The following BPTF variants were observed in gnomAD, a reference collection of about 807,000 sequenced individuals.
BPTF encodes the protein nucleosome-remodeling factor subunit BPTF.
In BPTF, 18 loss-of-function variants were observed where a neutral mutation model predicts 292.5. The observed-to-expected ratio is 0.06, with a 90% confidence interval of 0.04 to 0.09. The LOEUF is 0.09. Among genes scored for constraint, BPTF ranks in the 10% least tolerant of loss-of-function variants. The probability of loss-of-function intolerance (pLI) is 1.00; values close to 1 mark genes in which losing one functional copy is unlikely to be tolerated. For missense variants in BPTF, 2,726 were observed against 3,498.7 expected (o/e 0.78, Z 5.57); for synonymous variants, 1,225 against 1,251.9 (o/e 0.98, Z 0.45).
intron 9 of BPTF, among the ~76,000 whole-genome samples, chr17:67,906,765 A>C (rs562105450): frequency 1.4e-4 from 22 of 152,332 alleles, no homozygotes; most frequent in African/African-American, 5.3e-4. Flanking sequence ...TCGCGACAGA[A>C]TTATGATTTC....
At chr17:67,848,441 C>T (rs537955229) in intron 1 of BPTF, among the ~76,000 whole-genome samples, 4 of 152,166 alleles carry the variant, frequency 2.6e-5, no homozygotes, top group East Asian at 1.9e-4. Context: ...CATGGAGGAC[C>T]GTACAAAGTG....
Position 67,931,952 on chromosome 17 carries a change from T to A in BPTF, c.6192T>A (p.Ile2064=), listed in dbSNP as rs767101396. The A allele has an allele frequency of 1.9e-6, 3 of 1,614,122 alleles. No homozygotes were observed. The highest frequency in any genetic ancestry group is 2.5e-6 in the Non-Finnish European group (3 of 1,180,004). ...GPQIRPGMTV[I]RTPLQQSTLG... The stretch of plus-strand genomic sequence containing the variant: ...AGATTCGCCCTGGTATGACCGTGAT[T>A]AGAACACCACTCCAACAGTCAACAC... The change falls in exon 18 of 28, where the codon ATT becomes ATA. Residue 2064 remains isoleucine, a synonymous_variant. Coordinates refer to ENST00000306378, the MANE Select transcript of BPTF (RefSeq NM_182641.4).
chr17:67,932,153 C>T (rs1286334175), intron 18 of BPTF, 134 bp downstream of exon 18: 2 of 715,336 alleles, frequency 2.8e-6, no homozygotes, highest in Admixed American at 3.1e-5. Flanking sequence ...ATTTCTAATC[C>T]ATTGTGAGCT....
Position 67,854,133 on chromosome 17 carries a change from C to G in BPTF, c.807C>G (p.Asp269Glu). 3 of 1,614,176 alleles carry G rather than the reference C, an allele frequency of 1.9e-6. No homozygotes were observed. The highest frequency in any genetic ancestry group is 1.3e-5 in the African/African-American group (1 of 75,028). Reference protein sequence around the residue: ...VLRLSPFRFEDFCAALVSQEQ... With the variant: ...VLRLSPFRFEEFCAALVSQEQ... Reference sequence around the variant, plus strand: ...GATTATCTCCTTTTCGCTTTGAGGACTTTTGTGCAGCTCTGGTGAGCCAAG... The same window carrying G: ...GATTATCTCCTTTTCGCTTTGAGGAGTTTTGTGCAGCTCTGGTGAGCCAAG... Residue 269 changes from aspartate to glutamate, a missense_variant, in exon 2 of 28, where the codon GAC (aspartate) becomes GAG (glutamate). This residue lies in a region of BPTF where 102 missense variants were observed against 212.6 expected (regional missense o/e 0.48). Transcript: ENST00000306378. This position sits in a 1 kb window ranked among gnomAD's most constrained non-coding sequence, Gnocchi z 5.6.
chr17:67,854,835 G>T lies in BPTF; in HGVS notation c.1436+73G>T. 9.4e-7 allele frequency: 1 copy of T among 1,058,870 alleles called. No homozygotes were observed. The allele number at this position is 1,058,870 out of a possible 1,614,324, so 65.6% of individuals were successfully genotyped here. ...AGTTTCCTTCGTGATTGATGTAGCAGAGCTATGCTGTTGATGTGGTATAAA... is the reference window on the plus strand; with the variant it reads ...AGTTTCCTTCGTGATTGATGTAGCATAGCTATGCTGTTGATGTGGTATAAA... On this transcript the variant is annotated intron_variant, in intron 2 of 27. Coordinates refer to ENST00000306378, the MANE Select transcript of BPTF (RefSeq NM_182641.4). The surrounding 1 kb of genome is among the most constrained non-coding windows in gnomAD (Gnocchi z 5.6).
chr17:67,888,539 G>C (rs550910143), intron 4 of BPTF, among the ~76,000 whole-genome samples: 1 of 140,008 alleles, frequency 7.1e-6, no homozygotes, highest in Non-Finnish European at 1.5e-5. Context: ...GCAGTGAGCC[G>C]AGATCGTGCC....
chr17:67,953,598 A>G (rs1232243907), intron 23 of BPTF, among the ~76,000 whole-genome samples: 2 of 142,248 alleles, frequency 1.4e-5, no homozygotes, highest in South Asian at 2.2e-4. Context: ...TTTTGGAGAA[A>G]GAGTTTTGCT....
Position 67,928,551 on chromosome 17 carries a change from A to G in BPTF, c.5948A>G (p.Asn1983Ser). 1 of 1,614,178 alleles carries G rather than the reference A, an allele frequency of 6.2e-7. No individual in the cohort carries two copies. The highest frequency in any genetic ancestry group is 2.2e-5 in the East Asian group (1 of 44,884). ...ACAGTAACATTCCAACAAAACAAGA[A>G]CTTTCATCAAACCTTTGCTACATGG... is the stretch of plus-strand genomic sequence containing the variant. ...PATVTFQQNK[N>S]FHQTFATWVK... The change falls in exon 16 of 28, where the codon AAC becomes AGC. Residue 1983 changes from asparagine (N) to serine (S), a missense_variant. By Grantham distance (46) the Asn-to-Ser change is conservative (BLOSUM62 1). Transcript: ENST00000306378.
At chr17:67,856,611 G>A (rs988906991) in intron 2 of BPTF, among the ~76,000 whole-genome samples, 18 of 151,936 alleles carry the variant, frequency 1.2e-4, no homozygotes, top group Non-Finnish European at 1.9e-4. Context: ...CTTTTTTATT[G>A]GGGGAAATCC....
chr17:67,956,412 G>A (rs1237653443), intron 23 of BPTF: 1 of 151,342 alleles, frequency 6.6e-6, no homozygotes, highest in Non-Finnish European at 1.5e-5. Flanking sequence ...TGACCTCCCA[G>A]GCTTAAGGGA....
At chr17:67,883,019 A>AG (rs2060521482) in intron 4 of BPTF, among the ~76,000 whole-genome samples, 1 of 144,524 alleles carries the variant, frequency 6.9e-6, no homozygotes, top group Admixed American at 6.8e-5. Context: ...AAAAAAAAAA[A>AG]AGAAAAGAAA....
intron 17 of BPTF, among the ~76,000 whole-genome samples, 183 bp downstream of exon 17, chr17:67,929,670 T>C (rs1326129851): frequency 2.0e-5 from 3 of 152,250 alleles, no homozygotes; most frequent in Non-Finnish European, 2.9e-5. Context: ...CATGAAGTAT[T>C]AATGTCTAAC....
At chr17:67,897,417 T>C (rs2146440741) in intron 7 of BPTF, among the ~76,000 whole-genome samples, 1 of 150,902 alleles carries the variant, frequency 6.6e-6, no homozygotes, top group Middle Eastern at 3.5e-3. Flanking sequence ...TCTCTTTTAT[T>C]AGAACTTGGA....
At chr17:67,876,795 G>T (rs555290711) in intron 4 of BPTF, among the ~76,000 whole-genome samples, 2 of 151,362 alleles carry the variant, frequency 1.3e-5, no homozygotes, top group East Asian at 3.9e-4. Flanking sequence ...GACAGAGCAA[G>T]ACTTCATCTT....
At chr17:67,942,906 A>C (rs575461802) in intron 19 of BPTF, among the ~76,000 whole-genome samples, 22 of 152,208 alleles carry the variant, frequency 1.4e-4, no homozygotes, top group Non-Finnish European at 2.8e-4. Flanking sequence ...AAGATTCAGA[A>C]ATAGGCAAAA....
At chr17:67,877,317 G>A (rs2060110575) in intron 4 of BPTF, among the ~76,000 whole-genome samples, 2 of 152,112 alleles carry the variant, frequency 1.3e-5, no homozygotes, top group South Asian at 4.1e-4. Context: ...TTATTCAACA[G>A]CTATTTATTG....
At position 67,932,036 on chromosome 17, in the gene BPTF, C is replaced by A; in HGVS notation, c.6259+17C>A. ...TACAGCCAGGTATTTATCCATCCAG[C>A]ATTATCATTTTACATCTCAACAGCC... On this transcript the variant is annotated intron_variant, in intron 18 of 27. Coordinates refer to ENST00000306378, the MANE Select transcript of BPTF (RefSeq NM_182641.4). The A allele has an allele frequency of 6.3e-7, 1 of 1,596,976 alleles. No homozygotes were observed. Among genetic ancestry groups the A allele is most frequent in the Non-Finnish European group, 8.6e-7 (1 of 1,165,158 alleles).
chr17:67,979,420 G>T (rs1439079064), intron 27 of BPTF, among the ~76,000 whole-genome samples: 1 of 151,714 alleles, frequency 6.6e-6, no homozygotes, highest in African/African-American at 2.4e-5. Flanking sequence ...GGTTGCACAT[G>T]CCTGTAATCC....
At chr17:67,910,675 C>G (rs1279468314) in intron 10 of BPTF, among the ~76,000 whole-genome samples, 1 of 152,036 alleles carries the variant, frequency 6.6e-6, no homozygotes, top group Admixed American at 6.5e-5. Context: ...TGGCACATGC[C>G]TATAATCCCA....
Sources: gnomAD v4.1 joint callset for allele counts (sites outside exome capture counted in the v4.1 genomes callset) on GRCh38, gnomAD v4.1.1 for gene constraint, gnomAD v4.1.1 regional missense constraint, Gnocchi (gnomAD v3.1) non-coding constraint, MANE v1.5 for transcripts, NCBI Gene and HGNC (gene_info 2026-07-23, HGNC 2026-07-21) for gene names.